The following C8orf34 variants were observed in gnomAD, a reference collection of about 807,000 sequenced individuals.
C8orf34 encodes the protein uncharacterized protein C8orf34.
C8orf34 carries 65 observed loss-of-function variants against 68.3 expected under a neutral mutation model. That is an observed-to-expected ratio of 0.95 (90% CI 0.78 to 1.17). The LOEUF (loss-of-function observed/expected upper bound fraction) is 1.17, where lower values mean the gene tolerates loss of function less well. Among genes scored for constraint, C8orf34 ranks in the 50% most tolerant of loss-of-function variants. The pLI is 0.00. For synonymous variants in C8orf34, 244 were observed against 241.2 expected (o/e 1.01, Z -0.11); for missense variants, 664 against 655.4 (o/e 1.01, Z -0.14).
intron 8 of C8orf34, among the ~76,000 whole-genome samples, chr8:68,679,424 A>G (rs1298509615): frequency 6.6e-6 from 1 of 152,186 alleles, no homozygotes. Flanking sequence ...AAAAAATTTA[A>G]GAGGACACAA....
At chr8:68,751,282 A>G (rs1301017274) in intron 10 of C8orf34, among the ~76,000 whole-genome samples, 1 of 152,198 alleles carries the variant, frequency 6.6e-6, no homozygotes, top group Non-Finnish European at 1.5e-5. Context: ...ATTTTGGCTT[A>G]CTGCCAGGAA....
At chr8:68,538,547 T>C (rs1196229213) in intron 7 of C8orf34, among the ~76,000 whole-genome samples, 1 of 152,036 alleles carries the variant, frequency 6.6e-6, no homozygotes, top group African/African-American at 2.4e-5. Flanking sequence ...ACTTTTCTTC[T>C]AGATAAATTT....
At chr8:68,619,875 G>C (rs958104946) in intron 7 of C8orf34, among the ~76,000 whole-genome samples, 3 of 152,074 alleles carry the variant, frequency 2.0e-5, no homozygotes, top group African/African-American at 7.2e-5. Context: ...TTTCTGGCCA[G>C]TAGGAAAAAA....
chr8:68,683,917 A>G (rs1820440399), intron 8 of C8orf34, among the ~76,000 whole-genome samples: 1 of 152,264 alleles, frequency 6.6e-6, no homozygotes, highest in East Asian at 1.9e-4. Context: ...CCAGATGGTA[A>G]TGGCCAACAA....
intron 1 of C8orf34, 198 bp from the exon 2 acceptor site, chr8:68,439,301 T>G (rs959807908): frequency 2.2e-6 from 1 of 460,566 alleles, no homozygotes; most frequent in Non-Finnish European, 3.8e-6. Flanking sequence ...ATATAGACAA[T>G]TTACTTCTCT....
intron 1 of C8orf34, among the ~76,000 whole-genome samples, chr8:68,396,153 C>T (rs1808697674): frequency 6.6e-6 from 1 of 151,924 alleles, no homozygotes; most frequent in Admixed American, 6.6e-5. Flanking sequence ...ACTGTGACCC[C>T]ACCTCCAAAC....
Position 68,454,023 on chromosome 8 carries a change from A to T in C8orf34, c.607+7563A>T, listed in dbSNP as rs184169180. 7.2e-3 allele frequency among the ~76,000 whole-genome samples: 1,098 copies of T among 152,040 alleles called. 6 individuals are homozygous for T. Among genetic ancestry groups the T allele is most frequent in the Non-Finnish European group, 9.8e-3 (668 of 67,850 alleles). ...TTTTTCCAGTGCTTTTTCTCGATCA[A>T]TTGAGATAATCATGCAGTTTTTCTT... On this transcript the variant is annotated intron_variant, in intron 3 of 13. Transcript: ENST00000518698.
intron 1 of C8orf34, among the ~76,000 whole-genome samples, chr8:68,409,299 C>T (rs1281676169): frequency 2.0e-5 from 3 of 152,114 alleles, no homozygotes; most frequent in Non-Finnish European, 4.4e-5. Flanking sequence ...GCATTGTTGT[C>T]AAAGGAGATG....
intron 10 of C8orf34, among the ~76,000 whole-genome samples, chr8:68,722,835 TCA>T (rs1426535422): frequency 6.6e-6 from 1 of 152,070 alleles, no homozygotes; most frequent in Non-Finnish European, 1.5e-5. Context: ...CAATAATTCC[TCA>T]CCATGAGATG....
chr8:68,698,967 G>A (rs1039893602), intron 8 of C8orf34, among the ~76,000 whole-genome samples: 2 of 151,946 alleles, frequency 1.3e-5, no homozygotes, highest in African/African-American at 4.8e-5. Flanking sequence ...GAAGGGAAAG[G>A]CCTCCTTCCA....
intron 7 of C8orf34, among the ~76,000 whole-genome samples, chr8:68,550,444 T>C (rs1187920089): frequency 6.6e-6 from 1 of 151,910 alleles, no homozygotes; most frequent in Non-Finnish European, 1.5e-5. Context: ...TACATATGCA[T>C]ACACACATGT....
intron 1 of C8orf34, among the ~76,000 whole-genome samples, chr8:68,379,133 A>ATAAGTAATTAAT (rs1807927911): frequency 6.6e-6 from 1 of 152,240 alleles, no homozygotes; most frequent in Non-Finnish European, 1.5e-5. Context: ...TAAACTACAT[A>ATAAGTAATTAAT]TATAAATCAA....
intron 7 of C8orf34, among the ~76,000 whole-genome samples, chr8:68,628,251 C>T (rs1818594128): frequency 6.6e-6 from 1 of 151,992 alleles, no homozygotes; most frequent in Non-Finnish European, 1.5e-5. Context: ...TATTTATAAG[C>T]TTGATTATTT....
chr8:68,643,789 G>C (rs186253289), intron 8 of C8orf34, among the ~76,000 whole-genome samples: 1 of 152,218 alleles, frequency 6.6e-6, no homozygotes, highest in African/African-American at 2.4e-5. Context: ...CAAACATTCA[G>C]ACCATACCAA....
chr8:68,774,943 C>CCAAAAAAAAAAAAAAAAAAAAA (rs1491565981), intron 10 of C8orf34, among the ~76,000 whole-genome samples: 1 of 36,366 alleles, frequency 2.7e-5, no homozygotes, highest in Non-Finnish European at 4.9e-5. Flanking sequence ...CCTGTCTCCA[C>CCAAAAAAAAAAAAAAAAAAAAA]TAAAAAAAAA....
At chr8:68,378,236 G>GA (rs2129620074) in intron 1 of C8orf34, among the ~76,000 whole-genome samples, 1 of 152,242 alleles carries the variant, frequency 6.6e-6, no homozygotes, top group African/African-American at 2.4e-5. Context: ...ATGAACTTCA[G>GA]AAAAAATTCC....
At chr8:68,732,954 C>T (rs1389651232) in intron 10 of C8orf34, among the ~76,000 whole-genome samples, 1 of 152,092 alleles carries the variant, frequency 6.6e-6, no homozygotes, top group African/African-American at 2.4e-5. Context: ...ACCCCAGTTA[C>T]TTGGGAGGCT....
chr8:68,501,777 A>G (rs1297891274), intron 5 of C8orf34, among the ~76,000 whole-genome samples: 2 of 152,134 alleles, frequency 1.3e-5, no homozygotes, highest in Non-Finnish European at 2.9e-5. Context: ...CAGTCCCCCA[A>G]TTTATTCTGG....
chr8:68,732,631 C>G (rs184080448), intron 10 of C8orf34, among the ~76,000 whole-genome samples: 1 of 151,916 alleles, frequency 6.6e-6, no homozygotes, highest in Non-Finnish European at 1.5e-5. Flanking sequence ...TTTCCAATTT[C>G]TTCCATTCAT....
Sources: allele counts gnomAD v4.1 joint callset (sites outside exome capture counted in the v4.1 genomes callset), GRCh38; gene constraint gnomAD v4.1.1; transcripts MANE v1.5; gene names NCBI Gene and HGNC (gene_info 2026-07-23, HGNC 2026-07-21).